ZNF480: variants seen among roughly 807,000 people sequenced by gnomAD.
The protein encoded by ZNF480 is zinc finger protein 480.
In ZNF480, 15 loss-of-function variants were observed where a neutral mutation model predicts 14.4. The ratio of observed to expected loss-of-function variants is 1.04; its 90% CI spans 0.70 to 1.60. ZNF480 has a LOEUF of 1.60. ZNF480 is among the 40% of genes most tolerant of loss of function. The pLI is 0.00. For synonymous variants in ZNF480, 218 were observed against 215.5 expected (o/e 1.01, Z -0.10); for missense variants, 593 against 629.7 (o/e 0.94, Z 0.62).
rs1429410020 is a variant in ZNF480, at chr19:52,321,638, G to A, written c.388G>A (p.Val130Ile). The change falls in exon 5 of 5, where the codon GTA (valine) becomes ATA (isoleucine). Residue 130 changes from valine to isoleucine, a missense_variant. By Grantham distance (29) the Val-to-Ile change is conservative. Coordinates refer to ENST00000595962, the MANE Select transcript of ZNF480 (RefSeq NM_144684.4). Reference sequence around the variant, plus strand: ...CAAACCAATTAAAAAACAACTTGGAGTATCCTTTCACTTACATCTGTCTGA... The same window carrying A: ...CAAACCAATTAAAAAACAACTTGGAATATCCTTTCACTTACATCTGTCTGA... ...EDKPIKKQLGVSFHLHLSELE... is the reference protein window; with the variant it reads ...EDKPIKKQLGISFHLHLSELE... 1 of 1,611,990 alleles carries A rather than the reference G, an allele frequency of 6.2e-7. No homozygotes were observed. The highest frequency in any genetic ancestry group is 1.7e-5 in the Admixed American group (1 of 59,848).
In ZNF480 at chr19:52,300,470, A is replaced by T; in HGVS notation, c.58A>T (p.Met20Leu). 1 of 1,612,822 alleles carries T rather than the reference A, an allele frequency of 6.2e-7. No homozygotes were observed. Residue 20 changes from methionine (M) to leucine (L), a missense_variant, in exon 2 of 5, where the codon ATG (methionine) becomes TTG (leucine). Physicochemically the swap from Met to Leu is conservative, Grantham distance 15. Transcript: ENST00000595962. ...GAAGAGGAAAGCAAAGGAGTCAGGG[A>T]TGGCTCTTCCTCAGGTGAGATGATA... ...RRKRKAKESG[M>L]ALPQGHLTFR...
At chr19:52,300,828 C>T in intron 2 of ZNF480, 1 of 294,040 alleles carries the variant, frequency 3.4e-6, no homozygotes, top group Non-Finnish European at 6.4e-6. Flanking sequence ...AAAAGCATTC[C>T]TTATGGGAAA....
Position 52,298,143 on chromosome 19 carries a change from G to A in ZNF480, c.-20+920G>A, listed in dbSNP as rs574353320. On this transcript the variant is annotated intron_variant, in intron 1 of 4. Transcript: ENST00000595962. ...CTCAGTTTGAGAGTGGGGGAGAGGGGGAGGGATTTGGAGCCAGGGCAGACA... is the reference window on the plus strand; with the variant it reads ...CTCAGTTTGAGAGTGGGGGAGAGGGAGAGGGATTTGGAGCCAGGGCAGACA... Among the ~76,000 whole-genome samples, 25 of 152,128 alleles carry A rather than the reference G, an allele frequency of 1.6e-4. No homozygotes were observed. The East Asian group carries it at 4.7e-3, about 28-fold the overall frequency.
At position 52,315,940 on chromosome 19, in the gene ZNF480, G is replaced by A; in HGVS notation, c.306G>A (p.Glu102=). 1.2e-6 allele frequency: 2 copies of A among 1,611,982 alleles called. No individual in the cohort carries two copies. The highest frequency in any genetic ancestry group is 1.3e-5 in the African/African-American group (1 of 75,004). The change falls in exon 4 of 5, where the codon GAG becomes GAA. Residue 102 remains glutamate (E), a synonymous_variant. Transcript: ENST00000595962. ...TAGCAAAAAATTCAGATGGGAGGGA[G>A]TGCATCAAAGGTGTGAACACAGGTA... ...VKIAKNSDGR[E]CIKGVNTGSS... is the part of the protein sequence containing the mutation.
chr19:52,302,555 T>C (rs903477470), intron 2 of ZNF480, among the ~76,000 whole-genome samples: 4 of 152,218 alleles, frequency 2.6e-5, no homozygotes, highest in African/African-American at 9.6e-5. Flanking sequence ...CTGCGAAGCA[T>C]TGCAGAAAAT....
intron 2 of ZNF480, among the ~76,000 whole-genome samples, chr19:52,309,807 G>A (rs1341959094): frequency 6.6e-6 from 1 of 152,098 alleles, no homozygotes; most frequent in East Asian, 1.9e-4. Flanking sequence ...TGTTTAATTT[G>A]TGTCCACATG....
At position 52,322,457 on chromosome 19, in the gene ZNF480, G is replaced by C; in HGVS notation, c.1207G>C (p.Glu403Gln). 1.2e-6 allele frequency: 2 copies of C among 1,613,990 alleles called. No individual in the cohort carries two copies. The highest frequency in any genetic ancestry group is 2.2e-5 in the East Asian group (1 of 44,870). ...AGGAGAGAAACCTTACAAATGTAAT[G>C]AATGTGGAAAAGTATTTAATCAACT... ...HTGEKPYKCN[E>Q]CGKVFNQLSN... Residue 403 changes from glutamate (E) to glutamine (Q), a missense_variant, in exon 5 of 5, where the codon GAA becomes CAA. Glu to Gln is a conservative substitution (Grantham distance 29). Transcript: ENST00000595962.
Position 52,300,381 on chromosome 19 carries a change from T to G in ZNF480, c.-19-13T>G, listed in dbSNP as rs990516793. The G allele has an allele frequency of 1.2e-6, 2 of 1,610,560 alleles. No individual in the cohort carries two copies. Among genetic ancestry groups the G allele is most frequent in the East Asian group, 2.2e-5 (1 of 44,790 alleles). ...TGATTCTAAGCCCTAAACAGCATATTTTTGACATTTAGGATTGACTTCTAA... is the reference window on the plus strand; with the variant it reads ...TGATTCTAAGCCCTAAACAGCATATGTTTGACATTTAGGATTGACTTCTAA... On this transcript the variant is annotated splice_polypyrimidine_tract_variant and intron_variant, in intron 1 of 4. Transcript: ENST00000595962.
chr19:52,308,378 C>T (rs904229563), intron 2 of ZNF480, among the ~76,000 whole-genome samples: 3 of 148,210 alleles, frequency 2.0e-5, no homozygotes, highest in African/African-American at 7.5e-5. Flanking sequence ...GCAATCTCGG[C>T]TCACTACAAC....
In ZNF480 at chr19:52,325,325, G is replaced by T. The variant is rs1292180147; in HGVS notation, c.*2467G>T. On this transcript the variant is annotated 3_prime_UTR_variant, in exon 5 of 5. Transcript: ENST00000595962. ...AGCAAATACTTATACACTGCTGGTG[G>T]GAATGTAAATTAATTCAGCCATTGT... 7.8e-6 allele frequency: 1 copy of T among 127,714 alleles called. No individual in the cohort carries two copies. The highest frequency in any genetic ancestry group is 1.8e-5 in the Non-Finnish European group (1 of 55,612). The allele number at this position is 127,714 out of a possible 1,614,324, so 7.9% of individuals were successfully genotyped here.
Position 52,314,279 on chromosome 19 carries a change from G to T in ZNF480, c.199G>T (p.Gly67Ter), listed in dbSNP as rs891664427. 7 of 1,548,392 alleles carry T rather than the reference G, an allele frequency of 4.5e-6. No homozygotes were observed. The highest frequency in any genetic ancestry group is 1.1e-5 in the South Asian group (1 of 89,890). ...GAACTACAGGAACCTGGTCTCCCTG[G>T]GTGAGGATCATGCCCCTGCAGAAGC... Reference protein sequence around the residue: ...LENYRNLVSLGISLPDLNINS... With the variant: ...LENYRNLVSL Residue 67 changes from glycine (G) to a stop codon, truncating the protein, a stop_gained and splice_region_variant, in exon 3 of 5, where the codon GGA becomes TGA. Coordinates refer to ENST00000595962, the MANE Select transcript of ZNF480 (RefSeq NM_144684.4). LOFTEE classifies it high-confidence loss of function.
chr19:52,313,125 A>G (rs1302090165), intron 2 of ZNF480, among the ~76,000 whole-genome samples: 3 of 128,434 alleles, frequency 2.3e-5, no homozygotes, highest in Non-Finnish European at 4.7e-5. Context: ...CCAGCCTATA[A>G]TTCTTTCTCT....
chr19:52,325,361 G>A lies in ZNF480; in HGVS notation c.*2503G>A, dbSNP rs567797631. 5.3e-5 allele frequency: 8 copies of A among 152,298 alleles called. No individual in the cohort carries two copies. The highest frequency in any genetic ancestry group is 8.8e-5 in the Non-Finnish European group (6 of 68,032). The allele number at this position is 152,298 out of a possible 1,614,324, so 9.4% of individuals were successfully genotyped here. ...TAATTCAGCCATTGTGGAAAGCACT[G>A]CAGCGATTTCTCAAAGACATAAAAG... On this transcript the variant is annotated 3_prime_UTR_variant, in exon 5 of 5. Transcript: ENST00000595962.
chr19:52,301,392 A>G (rs1275835860), intron 2 of ZNF480: 1 of 152,214 alleles, frequency 6.6e-6, no homozygotes, highest in Non-Finnish European at 1.5e-5. Context: ...TAATATCTAA[A>G]GATAAATTTC....
chr19:52,321,858 A>T lies in ZNF480; in HGVS notation c.608A>T (p.Tyr203Phe). 1 of 1,614,162 alleles carries T rather than the reference A, an allele frequency of 6.2e-7. No homozygotes were observed. The highest frequency in any genetic ancestry group is 2.2e-5 in the East Asian group (1 of 44,864). Reference sequence around the variant, plus strand: ...AAAGTACACCTTAGAGAAAAACCTTATGAATGTAATGAGCATAGCAAAGTC... The same window carrying T: ...AAAGTACACCTTAGAGAAAAACCTTTTGAATGTAATGAGCATAGCAAAGTC... ...EQKVHLREKPYECNEHSKVFR... is the reference protein window; with the variant it reads ...EQKVHLREKPFECNEHSKVFR... The change falls in exon 5 of 5, where the codon TAT (tyrosine) becomes TTT (phenylalanine). Residue 203 changes from tyrosine to phenylalanine, a missense_variant. Physicochemically the swap from Tyr to Phe is conservative, Grantham distance 22. Coordinates refer to ENST00000595962, the MANE Select transcript of ZNF480 (RefSeq NM_144684.4).
chr19:52,319,920 C>T (rs918953099), intron 4 of ZNF480, among the ~76,000 whole-genome samples: 24 of 150,098 alleles, frequency 1.6e-4, no homozygotes, highest in African/African-American at 4.7e-4. Flanking sequence ...CAGGTTCAAG[C>T]GATTCTCCTG....
intron 4 of ZNF480, among the ~76,000 whole-genome samples, chr19:52,318,462 C>T (rs1428834396): frequency 1.3e-5 from 2 of 152,148 alleles, no homozygotes; most frequent in African/African-American, 4.8e-5. Context: ...CAAATATTTT[C>T]TCACATATGG....
intron 1 of ZNF480, among the ~76,000 whole-genome samples, chr19:52,299,740 CT>C (rs1982594462): frequency 6.6e-6 from 1 of 152,092 alleles, no homozygotes; most frequent in Non-Finnish European, 1.5e-5. Context: ...GTTGCCCAGG[CT>C]GGAGTGCAAT....
intron 2 of ZNF480, chr19:52,300,756 C>G (rs1982653620): frequency 1.9e-6 from 1 of 524,860 alleles, no homozygotes; most frequent in African/African-American, 1.9e-5. Context: ...CAGGGTTTGA[C>G]CCACATATTT....
Sources: gnomAD v4.1 joint callset for allele counts (sites outside exome capture counted in the v4.1 genomes callset) on GRCh38, gnomAD v4.1.1 for gene constraint, MANE v1.5 for transcripts, NCBI Gene and HGNC (gene_info 2026-07-23, HGNC 2026-07-21) for gene names.